Variants in PRIM2 observed in about 807,000 individuals in gnomAD.
PRIM2 encodes the protein DNA primase subunit 2.
A neutral mutation model predicts 67.3 loss-of-function variants in PRIM2; 39 were observed. The observed-to-expected ratio is 0.58, with a 90% CI of 0.45 to 0.76. The LOEUF is 0.76. Ranked by LOEUF, PRIM2 falls within the 30% of genes least tolerant of loss-of-function variation. The pLI is 0.00. For synonymous variants in PRIM2, 143 were observed against 198.7 expected (o/e 0.72, Z 2.36); for missense variants, 398 against 598.7 (o/e 0.66, Z 3.50).
chr6:57,391,806 CGTT>C (rs1340348437), intron 7 of PRIM2, among the ~76,000 whole-genome samples: 7 of 152,040 alleles, frequency 4.6e-5, no homozygotes, highest in African/African-American at 1.4e-4. Context: ...ATGCCTCAAG[CGTT>C]GTTCTTTCTG....
chr6:57,439,948 T>C (rs1772148911), intron 7 of PRIM2, among the ~76,000 whole-genome samples: 1 of 152,184 alleles, frequency 6.6e-6, no homozygotes, highest in South Asian at 2.1e-4. Flanking sequence ...TTACTGCTCA[T>C]TTAAAAATAT....
the PRIM2 span, among the ~76,000 whole-genome samples, chr6:57,308,525 T>G: frequency 6.6e-6 from 1 of 152,232 alleles, no homozygotes; most frequent in Admixed American, 6.5e-5. Flanking sequence ...GCTCAAAACT[T>G]TCTCTAGAGA....
chr6:57,591,935 G>A (rs1244926954), intron 10 of PRIM2, among the ~76,000 whole-genome samples: 49 of 152,048 alleles, frequency 3.2e-4, no homozygotes, highest in African/African-American at 1.2e-3. Flanking sequence ...CCCATCAAAC[G>A]TGAATTAGAT....
intron 7 of PRIM2, among the ~76,000 whole-genome samples, chr6:57,445,648 G>C (rs1562756162): frequency 1.3e-5 from 2 of 152,108 alleles, no homozygotes; most frequent in African/African-American, 2.4e-5. Flanking sequence ...GGAGACAAAA[G>C]GGAAGGCAAG....
chr6:57,379,074 T>C (rs1769869734), intron 5 of PRIM2, among the ~76,000 whole-genome samples: 2 of 127,540 alleles, frequency 1.6e-5, no homozygotes, highest in South Asian at 2.9e-4. Flanking sequence ...CAAAGTATGG[T>C]ACACAAAGAT....
At chr6:57,511,933 C>A (rs1774380232) in intron 8 of PRIM2, among the ~76,000 whole-genome samples, 1 of 152,018 alleles carries the variant, frequency 6.6e-6, no homozygotes, top group Admixed American at 6.6e-5. Context: ...CTGTGCAGGT[C>A]TTGGTTAAAA....
intron 7 of PRIM2, among the ~76,000 whole-genome samples, chr6:57,491,402 T>C (rs1773887049): frequency 6.6e-6 from 1 of 152,212 alleles, no homozygotes; most frequent in African/African-American, 2.4e-5. Flanking sequence ...TATATAACCT[T>C]CCTGATTGAA....
intron 7 of PRIM2, among the ~76,000 whole-genome samples, chr6:57,487,794 G>T (rs1374423597): frequency 6.6e-6 from 1 of 152,164 alleles, no homozygotes; most frequent in African/African-American, 2.4e-5. Flanking sequence ...CAATTAATTC[G>T]AAATAGGAGA....
At chr6:57,473,449 T>C (rs1773387490) in intron 7 of PRIM2, among the ~76,000 whole-genome samples, 1 of 152,160 alleles carries the variant, frequency 6.6e-6, no homozygotes. Flanking sequence ...TGGAAAACTT[T>C]TTTTAAAAAG....
the PRIM2 span, among the ~76,000 whole-genome samples, chr6:57,290,880 T>C: frequency 6.6e-6 from 1 of 152,172 alleles, no homozygotes; most frequent in African/African-American, 2.4e-5. Context: ...TAACACTAAA[T>C]GCCCACAAGA....
chr6:57,290,390 G>C, the PRIM2 span, among the ~76,000 whole-genome samples: 4 of 151,928 alleles, frequency 2.6e-5, no homozygotes, highest in Admixed American at 6.6e-5. Context: ...ACTTAGACTC[G>C]CACACAATAA....
chr6:57,390,180 CA>C (rs1238271980), intron 7 of PRIM2: 2 of 154,552 alleles, frequency 1.3e-5, no homozygotes, highest in Admixed American at 6.6e-5. Context: ...CTTTTAATGG[CA>C]AAGACTGCAA....
intron 12 of PRIM2, among the ~76,000 whole-genome samples, chr6:57,622,145 A>G (rs1279421537): frequency 6.6e-6 from 1 of 152,146 alleles, no homozygotes; most frequent in South Asian, 2.1e-4. Flanking sequence ...ATGTACACCA[A>G]GTTTCACAGA....
At chr6:57,626,732 C>T (rs1776955179) in intron 12 of PRIM2, among the ~76,000 whole-genome samples, 1 of 151,998 alleles carries the variant, frequency 6.6e-6, no homozygotes, top group Admixed American at 6.6e-5. Flanking sequence ...TCAAGCGAAC[C>T]TCCCGCCTCA....
chr6:57,327,290 T>C (rs113315173), intron 5 of PRIM2, among the ~76,000 whole-genome samples: 1,699 of 152,262 alleles, frequency 0.011, 30 homozygotes, highest in African/African-American at 0.039. Context: ...CAGATGGTAG[T>C]AGGACTGGCA....
chr6:57,355,812 CT>C (rs1010916056), intron 5 of PRIM2, among the ~76,000 whole-genome samples: 3 of 151,344 alleles, frequency 2.0e-5, no homozygotes, highest in African/African-American at 4.9e-5. Context: ...AATTTTTGTA[CT>C]TTTTTTTTCT....
At chr6:57,276,888 CAA>C in the PRIM2 span, among the ~76,000 whole-genome samples, 1 of 129,242 alleles carries the variant, frequency 7.7e-6, no homozygotes. Flanking sequence ...GACCCTGCCT[CAA>C]AAAAAAAAAG....
At chr6:57,559,943 G>T (rs1775595084) in intron 10 of PRIM2, among the ~76,000 whole-genome samples, 3 of 152,046 alleles carry the variant, frequency 2.0e-5, no homozygotes, top group African/African-American at 7.2e-5. Flanking sequence ...TGATCAAGGT[G>T]GTAGTTGCTG....
chr6:57,327,130 G>C (rs1954739965), intron 5 of PRIM2, among the ~76,000 whole-genome samples: 1 of 152,034 alleles, frequency 6.6e-6, no homozygotes. Flanking sequence ...TGAACCCCCT[G>C]ACCTCAGGTG....
Sources: allele counts gnomAD v4.1 joint callset (sites outside exome capture counted in the v4.1 genomes callset), GRCh38; gene constraint gnomAD v4.1.1; transcripts MANE v1.5; gene names NCBI Gene and HGNC (gene_info 2026-07-23, HGNC 2026-07-21).